ADAM18: variants seen among roughly 807,000 people sequenced by gnomAD.
The protein encoded by ADAM18 is ADAM metallopeptidase domain 18, also known as disintegrin and metalloproteinase domain-containing protein 18.
ADAM18 carries 117 observed loss-of-function variants against 94.4 expected under a neutral mutation model. The ratio of observed to expected loss-of-function variants is 1.24; its 90% CI spans 1.07 to 1.45. The LOEUF (loss-of-function observed/expected upper bound fraction) is 1.45. ADAM18 is among the 40% of genes most tolerant of loss of function. ADAM18 has a pLI of 0.00. For missense variants in ADAM18, 936 were observed against 880.0 expected, an observed-to-expected ratio of 1.06 and a Z score of -0.81; for synonymous variants, 327 against 291.6, an observed-to-expected ratio of 1.12 and a Z score of -1.24.
intron 11 of ADAM18, among the ~76,000 whole-genome samples, chr8:39,647,506 T>C (rs1273560439): frequency 6.6e-6 from 1 of 152,144 alleles, no homozygotes; most frequent in Non-Finnish European, 1.5e-5. Context: ...GACAGTGGCC[T>C]TCCTCTATCT....
chr8:39,604,343 T>TA (rs1819000261), intron 2 of ADAM18, among the ~76,000 whole-genome samples: 1 of 152,236 alleles, frequency 6.6e-6, no homozygotes, highest in South Asian at 2.1e-4. Flanking sequence ...CTACTCCTTA[T>TA]AATGTCTATT....
chr8:39,611,126 G>A (rs1819260806), intron 6 of ADAM18: 1 of 985,040 alleles, frequency 1.0e-6, no homozygotes, highest in Non-Finnish European at 1.2e-6. Flanking sequence ...ACTAGGTATA[G>A]AATTCTTGCT....
Position 39,637,593 on chromosome 8 carries a change from T to TGA in ADAM18, c.718_719dup (p.Asn241LysfsTer32), listed in dbSNP as rs1468812331. The TGA allele has an allele frequency of 6.2e-7, 1 of 1,612,768 alleles. No individual in the cohort carries two copies. The highest frequency in any genetic ancestry group is 1.3e-5 in the African/African-American group (1 of 74,856). ...TGTCTTCCTTGGAATTGTGGTCAAA[T>TGA]GAAAACCAGATTTCCACCAGTGGGG... On this transcript the variant is annotated frameshift_variant, in exon 9 of 20. Transcript: ENST00000265707. LOFTEE classifies it high-confidence loss of function.
chr8:39,677,323 A>C (rs1821326612), intron 14 of ADAM18, 108 bp from the exon 15 acceptor site: 1 of 856,856 alleles, frequency 1.2e-6, no homozygotes, highest in African/African-American at 1.8e-5. Flanking sequence ...CAAAAGCATG[A>C]TCAACAAGTA....
At chr8:39,684,497 A>C (rs117643800) in intron 16 of ADAM18, among the ~76,000 whole-genome samples, 2,120 of 152,250 alleles carry the variant, frequency 0.014, 21 homozygotes, top group Non-Finnish European at 0.023. Flanking sequence ...CCCAATCTCA[A>C]TGGATTTGCT....
rs1821431048 is a variant in ADAM18 at position 39,680,651 on chromosome 8, A to T, written c.1821+425A>T. Among the ~76,000 whole-genome samples, 5 of 152,244 alleles carry T rather than the reference A, an allele frequency of 3.3e-5. No homozygotes were observed. The South Asian group carries it at 1.0e-3, about 31-fold the overall frequency. On this transcript the variant is annotated intron_variant, in intron 16 of 19. Transcript: ENST00000265707. ...CAAACAAGAATCTATACTAGGAAAC[A>T]TTGCTATAGTGCATATACAGGCTCA...
chr8:39,727,987 AG>A (rs1822966286), intron 19 of ADAM18, among the ~76,000 whole-genome samples: 1 of 152,166 alleles, frequency 6.6e-6, no homozygotes, highest in Admixed American at 6.5e-5. Flanking sequence ...CTCAGCTTTT[AG>A]GGAGGCCTCA....
intron 13 of ADAM18, among the ~76,000 whole-genome samples, chr8:39,665,850 G>A (rs1275713414): frequency 1.3e-5 from 2 of 151,804 alleles, no homozygotes; most frequent in African/African-American, 2.4e-5. Flanking sequence ...TATTTTTGCT[G>A]TATAGTCTTT....
At chr8:39,652,886 G>A (rs1820576002) in intron 12 of ADAM18, among the ~76,000 whole-genome samples, 1 of 152,108 alleles carries the variant, frequency 6.6e-6, no homozygotes, top group South Asian at 2.1e-4. Context: ...GTGACAACAT[G>A]GATGAACCTG....
chr8:39,715,309 G>A (rs1431850471), intron 18 of ADAM18, among the ~76,000 whole-genome samples: 1 of 151,986 alleles, frequency 6.6e-6, no homozygotes, highest in African/African-American at 2.4e-5. Context: ...CAAAATTTGT[G>A]AGACCCATCA....
In ADAM18 at chr8:39,631,417, G is replaced by A. The variant is rs370618936; in HGVS notation, c.588+1978G>A. 9.3e-4 allele frequency among the ~76,000 whole-genome samples: 141 copies of A among 151,728 alleles called. 1 individual carries two copies. The highest frequency in any genetic ancestry group is 1.9e-3 in the South Asian group (9 of 4,814). On this transcript the variant is annotated intron_variant, in intron 7 of 19. Coordinates refer to ENST00000265707, the MANE Select transcript of ADAM18 (RefSeq NM_014237.3). Reference sequence around the variant, plus strand: ...CTTTTTTCCATATAGACATCCATTCGCTCCATCTCCACTTACGGAAAATGT... The same window carrying A: ...CTTTTTTCCATATAGACATCCATTCACTCCATCTCCACTTACGGAAAATGT...
At position 39,596,252 on chromosome 8, in the gene ADAM18, AATGTATAATGAC is replaced by A. The variant is rs1255549040; in HGVS notation, c.133-10048_133-10037del. Among the ~76,000 whole-genome samples, 3 of 152,296 alleles carry A rather than the reference AATGTATAATGAC, an allele frequency of 2.0e-5. No homozygotes were observed. In the East Asian group the frequency reaches 5.8e-4, roughly 29 times the overall value. On this transcript the variant is annotated intron_variant, in intron 2 of 19. Coordinates refer to ENST00000265707, the MANE Select transcript of ADAM18 (RefSeq NM_014237.3). ...GCTGTGTACCATGTGGGTTTGAACA[AATGTATAATGAC>A]ATGTATCCACTAATAGTATCATACA... is the stretch of plus-strand genomic sequence containing the variant.
intron 15 of ADAM18, among the ~76,000 whole-genome samples, chr8:39,678,632 C>A (rs973799948): frequency 3.9e-5 from 6 of 152,100 alleles, no homozygotes; most frequent in African/African-American, 1.2e-4. Flanking sequence ...AAGATGGTGG[C>A]ATGACAACCC....
intron 15 of ADAM18, among the ~76,000 whole-genome samples, chr8:39,678,879 A>C (rs1224399032): frequency 8.5e-5 from 13 of 152,228 alleles, no homozygotes; most frequent in Non-Finnish European, 1.9e-4. Flanking sequence ...TTCCTTTTCA[A>C]AAAAGAAAAA....
At chr8:39,671,693 C>T (rs1199944700) in intron 14 of ADAM18, among the ~76,000 whole-genome samples, 1 of 152,128 alleles carries the variant, frequency 6.6e-6, no homozygotes, top group Admixed American at 6.5e-5. Context: ...AGATCTGATT[C>T]CTCCCCCGTC....
chr8:39,709,332 C>T (rs879422863), intron 18 of ADAM18, among the ~76,000 whole-genome samples: 36 of 152,174 alleles, frequency 2.4e-4, no homozygotes, highest in Admixed American at 3.3e-4. Flanking sequence ...AATGTCAAGC[C>T]ATAGTCCCTG....
At chr8:39,619,197 AG>A (rs1162469660) in intron 6 of ADAM18, among the ~76,000 whole-genome samples, 1 of 152,216 alleles carries the variant, frequency 6.6e-6, no homozygotes, top group Non-Finnish European at 1.5e-5. Context: ...CTAAAGGAAA[AG>A]ATAGACACAT....
At chr8:39,650,989 C>T (rs560791080) in intron 12 of ADAM18, among the ~76,000 whole-genome samples, 164 of 152,240 alleles carry the variant, frequency 1.1e-3, no homozygotes, top group African/African-American at 3.4e-3. Context: ...CATTATCGGG[C>T]GTTTCTCAGA....
chr8:39,586,832 T>A (rs1262367930), intron 2 of ADAM18, among the ~76,000 whole-genome samples: 1 of 152,090 alleles, frequency 6.6e-6, no homozygotes, highest in Non-Finnish European at 1.5e-5. Context: ...TATTCTGTTT[T>A]TTCCCCAGAT....
Sources: allele counts gnomAD v4.1 joint callset (sites outside exome capture counted in the v4.1 genomes callset), GRCh38; gene constraint gnomAD v4.1.1; transcripts MANE v1.5; gene names NCBI Gene and HGNC (gene_info 2026-07-23, HGNC 2026-07-21).